B9D1: variants seen among roughly 807,000 people sequenced by gnomAD.
B9D1 encodes the protein B9 domain containing 1, also known as B9 domain-containing protein 1.
A neutral mutation model predicts 26.1 loss-of-function variants in B9D1; 20 were observed. That is an observed-to-expected ratio of 0.77 (90% CI 0.54 to 1.12). The LOEUF (loss-of-function observed/expected upper bound fraction) is 1.12, where lower values mean the gene tolerates loss of function less well. Ranked by LOEUF, B9D1 falls within the 50% of genes most tolerant of loss-of-function variation. The probability of loss-of-function intolerance (pLI) is 0.00; values close to 1 mark genes in which losing one functional copy is unlikely to be tolerated. For missense variants in B9D1, 260 were observed against 273.7 expected (o/e 0.95, Z 0.35); for synonymous variants, 105 against 103.1 (o/e 1.02, Z -0.11).
intron 3 of B9D1, among the ~76,000 whole-genome samples, chr17:19,354,840 A>G (rs553507029): frequency 6.6e-6 from 1 of 152,316 alleles, no homozygotes; most frequent in Admixed American, 6.5e-5. Context: ...AAAAAAGAGA[A>G]AAAAAAGATT....
chr17:19,345,834 A>G (rs1195597897), intron 5 of B9D1, among the ~76,000 whole-genome samples: 1 of 152,002 alleles, frequency 6.6e-6, no homozygotes, highest in Non-Finnish European at 1.5e-5. Context: ...AGAGGCTGGG[A>G]GAGGGGTGGG....
chr17:19,360,212 C>T, intron 2 of B9D1, 108 bp downstream of exon 2: 1 of 1,060,238 alleles, frequency 9.4e-7, no homozygotes, highest in Non-Finnish European at 1.5e-6. Context: ...CCCCTGAACT[C>T]AGTCTCTACC....
chr17:19,341,203 C>G, downstream of B9D1: 3 of 1,231,574 alleles, frequency 2.4e-6, no homozygotes, highest in Non-Finnish European at 3.0e-6. Context: ...GAGGCTTGTA[C>G]GTGCACACCA....
At position 19,359,491 on chromosome 17, in the gene B9D1, T is replaced by C. The variant is rs968062353; in HGVS notation, c.132+829A>G. ...TTCCTTCAGGTCTTTCCTCAAAAGT[T>C]ACTTTCTCGGCAAGGCCCTCCCTGG... On this transcript the variant is annotated intron_variant, in intron 2 of 6. Transcript: ENST00000261499. This position sits in a 1 kb window ranked among gnomAD's most constrained non-coding sequence, Gnocchi z 5.0. Among the ~76,000 whole-genome samples the C allele has an allele frequency of 3.9e-5, 6 of 152,214 alleles. No individual in the cohort carries two copies. The highest frequency in any genetic ancestry group is 5.9e-5 in the Non-Finnish European group (4 of 68,034).
At chr17:19,374,904 C>A (rs1476282533) in intron 1 of B9D1, among the ~76,000 whole-genome samples, 1 of 152,132 alleles carries the variant, frequency 6.6e-6, no homozygotes, top group Non-Finnish European at 1.5e-5. Context: ...AAGGTAATAT[C>A]TGTATCTGTA....
intron 3 of B9D1, among the ~76,000 whole-genome samples, chr17:19,353,339 T>A (rs901615341): frequency 1.3e-5 from 2 of 152,002 alleles, no homozygotes; most frequent in Non-Finnish European, 2.9e-5. Flanking sequence ...CTAACATGCA[T>A]TTAAAATTAC....
At chr17:19,339,854 A>G (rs1265858028), downstream of B9D1, among the ~76,000 whole-genome samples, 1 of 152,146 alleles carries the variant, frequency 6.6e-6, no homozygotes, top group African/African-American at 2.4e-5. Flanking sequence ...GAACTACCCA[A>G]ATGGACCCAC....
chr17:19,337,427 G>A (rs1177589007), downstream of B9D1: 8 of 339,310 alleles, frequency 2.4e-5, no homozygotes, highest in South Asian at 1.5e-4. Context: ...GCCTTGAGAC[G>A]AGCCTGGAGG....
At chr17:19,355,600 C>T (rs1373460834) in intron 3 of B9D1, among the ~76,000 whole-genome samples, 4 of 150,540 alleles carry the variant, frequency 2.7e-5, no homozygotes, top group South Asian at 4.2e-4. Flanking sequence ...GAGGCTGAGG[C>T]GGGCAGATCA....
intron 3 of B9D1, among the ~76,000 whole-genome samples, chr17:19,352,634 G>A (rs1191228303): frequency 6.7e-6 from 1 of 148,348 alleles, no homozygotes; most frequent in African/African-American, 2.5e-5. Flanking sequence ...TGATTGTCCT[G>A]CCTCAGCCTC....
At chr17:19,346,636 ATCCCCTGGGCCC>A (rs1015782133) in intron 5 of B9D1, among the ~76,000 whole-genome samples, 9 of 152,160 alleles carry the variant, frequency 5.9e-5, no homozygotes, top group Non-Finnish European at 1.2e-4. Context: ...GCATCCAGGC[ATCCCCTGGGCCC>A]TCCCTGCAGG....
downstream of B9D1, among the ~76,000 whole-genome samples, chr17:19,339,484 G>A (rs1303854709): frequency 6.6e-6 from 1 of 152,132 alleles, no homozygotes; most frequent in Non-Finnish European, 1.5e-5. Context: ...TGCCTGCCAC[G>A]CAGCTGCTTA....
At chr17:19,335,751 G>A, downstream of B9D1, 1 of 309,180 alleles carries the variant, frequency 3.2e-6, no homozygotes, top group Non-Finnish European at 5.9e-6. Context: ...CACCTGGGAG[G>A]GATTTTTAAC....
chr17:19,335,725 GAAGA>G (rs1176414013), downstream of B9D1: 2 of 355,726 alleles, frequency 5.6e-6, no homozygotes, highest in African/African-American at 2.1e-5. Flanking sequence ...TTTTGGAGAT[GAAGA>G]AAAAAGTCAT....
At chr17:19,343,132 G>T, downstream of B9D1, 2 of 1,431,396 alleles carry the variant, frequency 1.4e-6, no homozygotes, top group Non-Finnish European at 1.8e-6. Flanking sequence ...AGCTCCTGTG[G>T]GGGAGGGGCT....
Position 19,347,647 on chromosome 17 carries a change from C to T in B9D1, c.341+137G>A. On this transcript the variant is annotated intron_variant, in intron 4 of 6. Coordinates refer to ENST00000261499, the MANE Select transcript of B9D1 (RefSeq NM_015681.6). The surrounding 1 kb of genome is among the most constrained non-coding windows in gnomAD (Gnocchi z 4.3). Reference sequence around the variant, plus strand: ...CTCCTCCCAAATACAGGCTACAACCCCCCTGGCCACCAGGCTGAGCTGCCC... The same window carrying T: ...CTCCTCCCAAATACAGGCTACAACCTCCCTGGCCACCAGGCTGAGCTGCCC... 3.5e-6 allele frequency: 3 copies of T among 864,236 alleles called. No homozygotes were observed. The highest frequency in any genetic ancestry group is 2.0e-5 in the Admixed American group (1 of 49,884). The allele number at this position is 864,236 out of a possible 1,614,324, so 53.5% of individuals were successfully genotyped here.
chr17:19,341,374 T>C, downstream of B9D1: 4 of 1,206,528 alleles, frequency 3.3e-6, no homozygotes, highest in Non-Finnish European at 4.1e-6. Flanking sequence ...GGTGCTGGGC[T>C]TTTGCTCTGT....
chr17:19,343,444 G>C lies in B9D1; in HGVS notation c.490C>G (p.Gln164Glu). Residue 164 changes from glutamine (Q) to glutamate (E), a missense_variant, in exon 7 of 7, where the codon CAG becomes GAG. Coordinates refer to ENST00000261499, the MANE Select transcript of B9D1 (RefSeq NM_015681.6). Reference protein sequence around the residue: ...EGREVTRVRSQGFVTLLFNVV... With the variant: ...EGREVTRVRSEGFVTLLFNVV... ...TTGAAGAGGAGGGTGACAAAGCCCT[G>C]AGAACGGACACGGGTCACTGGGGAC... 1 of 1,614,210 alleles carries C rather than the reference G, an allele frequency of 6.2e-7. No individual in the cohort carries two copies. Among genetic ancestry groups the C allele is most frequent in the Non-Finnish European group, 8.5e-7 (1 of 1,180,020 alleles).
rs896080780 is a variant in B9D1 at position 19,347,102 on chromosome 17, G to A, written c.404+167C>T. The A allele has an allele frequency of 6.4e-6, 10 of 1,565,966 alleles. No homozygotes were observed. The African/African-American group carries it at 1.2e-4, about 19-fold the overall frequency. On this transcript the variant is annotated intron_variant, in intron 5 of 6. Coordinates refer to ENST00000261499, the MANE Select transcript of B9D1 (RefSeq NM_015681.6). The surrounding 1 kb of genome is among the most constrained non-coding windows in gnomAD (Gnocchi z 4.3). ...TTCTGCTGCTGGAACAGGGCTGAAG[G>A]GAGCCCCGTGACTCAGCACTCCCAG...
Sources: allele counts gnomAD v4.1 joint callset (sites outside exome capture counted in the v4.1 genomes callset), GRCh38; gene constraint gnomAD v4.1.1; non-coding constraint Gnocchi (gnomAD v3.1); transcripts MANE v1.5; gene names NCBI Gene and HGNC (gene_info 2026-07-23, HGNC 2026-07-21).